Variants in TXNDC11 observed in about 807,000 individuals in gnomAD.
TXNDC11 encodes thioredoxin domain-containing protein 11.
TXNDC11 carries 68 observed loss-of-function variants against 78.0 expected under a neutral mutation model. The ratio of observed to expected loss-of-function variants is 0.87; its 90% CI spans 0.72 to 1.07. The LOEUF (loss-of-function observed/expected upper bound fraction) is 1.07, where lower values mean the gene tolerates loss of function less well. TXNDC11 is among the 50% of genes least tolerant of loss of function. TXNDC11 has a pLI of 0.00. For missense variants in TXNDC11, 1,389 were observed against 1,221.8 expected (o/e 1.14, Z -2.04); for synonymous variants, 571 against 495.2 (o/e 1.15, Z -2.03).
rs2052436349 is a variant in TXNDC11, at chr16:11,742,548, C to G, written c.183G>C (p.Gln61His). The part of the protein sequence containing the change: ...GLRGAFLMAR[Q>H]RPELLCGAVA... ...CGGCCCCGCAGAGCAGCTCCGGCCG[C>G]TGGCGCGCCATGAGGAAGGCGCCAC... Residue 61 changes from glutamine (Q) to histidine (H), a missense_variant, in exon 1 of 12, where the codon CAG (glutamine) becomes CAC (histidine). Gln to His is a conservative substitution (Grantham distance 24). Coordinates refer to ENST00000283033, the MANE Select transcript of TXNDC11 (RefSeq NM_015914.7). The G allele has an allele frequency of 6.9e-7, 1 of 1,455,476 alleles. No homozygotes were observed. Among genetic ancestry groups the G allele is most frequent in the South Asian group, 1.3e-5 (1 of 75,164 alleles). The allele number at this position is 1,455,476 out of a possible 1,614,324, so 90.2% of individuals were successfully genotyped here.
intron 8 of TXNDC11, chr16:11,689,873 A>C (rs990618840): frequency 5.9e-5 from 9 of 152,234 alleles, no homozygotes; most frequent in African/African-American, 2.2e-4. Context: ...GGAGTAATCT[A>C]TAATATCGAC....
chr16:11,696,525 C>T (rs2050863624), intron 7 of TXNDC11, among the ~76,000 whole-genome samples: 1 of 152,196 alleles, frequency 6.6e-6, no homozygotes, highest in African/African-American at 2.4e-5. Context: ...GCTCAGTAAA[C>T]ATTTGCCAAA....
At chr16:11,694,434 C>T (rs7185656) in intron 7 of TXNDC11, among the ~76,000 whole-genome samples, 12,676 of 151,450 alleles carry the variant, frequency 0.084, 1,172 homozygotes, top group African/African-American at 0.22. Context: ...TAAGCATGAG[C>T]CACCGCGCCC....
intron 1 of TXNDC11, among the ~76,000 whole-genome samples, chr16:11,739,683 T>C (rs1235554273): frequency 1.3e-5 from 2 of 152,090 alleles, no homozygotes; most frequent in African/African-American, 4.8e-5. Context: ...CAGACAATTT[T>C]TTTTCCCTCT....
chr16:11,721,017 C>T (rs961298902), intron 5 of TXNDC11, among the ~76,000 whole-genome samples: 5 of 151,660 alleles, frequency 3.3e-5, no homozygotes, highest in Admixed American at 2.6e-4. Context: ...GCTGGGACTA[C>T]GGGCATGAGC....
intron 4 of TXNDC11, among the ~76,000 whole-genome samples, chr16:11,729,048 C>T (rs1458989261): frequency 6.6e-6 from 1 of 152,146 alleles, no homozygotes; most frequent in Non-Finnish European, 1.5e-5. Flanking sequence ...CTGCTAAAAG[C>T]AGGTCTGTCT....
At position 11,692,180 on chromosome 16, in the gene TXNDC11, G is replaced by C; in HGVS notation, c.1108-98C>G. On this transcript the variant is annotated intron_variant, in intron 7 of 11. Transcript: ENST00000283033. ...ACTTTCTGTAATTTCAGTTATCCAT[G>C]GTCAACTCCGGTTCAAAAATACTAA... 1.0e-5 allele frequency: 9 copies of C among 901,544 alleles called. No individual in the cohort carries two copies. The South Asian group carries it at 1.4e-4, about 14-fold the overall frequency. The allele number at this position is 901,544 out of a possible 1,614,324, so 55.8% of individuals were successfully genotyped here. A position where few individuals can be genotyped will look rare whatever the true frequency, so the allele number is the denominator to read the frequency against.
At chr16:11,714,720 G>T (rs946299693) in intron 5 of TXNDC11, among the ~76,000 whole-genome samples, 1 of 152,056 alleles carries the variant, frequency 6.6e-6, no homozygotes, top group Non-Finnish European at 1.5e-5. Flanking sequence ...CTTTTTATGC[G>T]TACCGACTCA....
chr16:11,690,391 T>C (rs766044950), intron 8 of TXNDC11, among the ~76,000 whole-genome samples: 5 of 152,216 alleles, frequency 3.3e-5, no homozygotes, highest in Non-Finnish European at 7.3e-5. Context: ...ACTTATTTAT[T>C]TGCACTTTAC....
chr16:11,710,042 C>A (rs8044903), intron 5 of TXNDC11, among the ~76,000 whole-genome samples: 2 of 151,832 alleles, frequency 1.3e-5, no homozygotes, highest in African/African-American at 4.8e-5. Flanking sequence ...ACTCGGGAGG[C>A]TGAGGCAGGA....
At chr16:11,694,384 C>T (rs1188067366) in intron 7 of TXNDC11, among the ~76,000 whole-genome samples, 1 of 150,902 alleles carries the variant, frequency 6.6e-6, no homozygotes, top group Non-Finnish European at 1.5e-5. Context: ...AGGTGATCCA[C>T]CTGCCTCGGC....
At chr16:11,726,994 G>A (rs534517522) in intron 4 of TXNDC11, among the ~76,000 whole-genome samples, 21 of 151,522 alleles carry the variant, frequency 1.4e-4, no homozygotes, top group East Asian at 9.8e-4. Context: ...TGGAGGTTGC[G>A]GTGAGACGAG....
intron 4 of TXNDC11, among the ~76,000 whole-genome samples, chr16:11,729,853 G>C (rs1212721639): frequency 1.3e-5 from 2 of 152,102 alleles, no homozygotes; most frequent in Non-Finnish European, 2.9e-5. Context: ...AGCACTGTGA[G>C]GGGAGGCCAA....
intron 5 of TXNDC11, among the ~76,000 whole-genome samples, chr16:11,708,239 T>C (rs138928604): frequency 2.0e-3 from 308 of 152,328 alleles, no homozygotes; most frequent in African/African-American, 6.4e-3. Flanking sequence ...AGCCAGCAAG[T>C]CTTAATAATT....
chr16:11,714,837 C>T (rs1048198602), intron 5 of TXNDC11, among the ~76,000 whole-genome samples: 8 of 152,200 alleles, frequency 5.3e-5, no homozygotes, highest in Non-Finnish European at 7.3e-5. Context: ...CTCTAAAACA[C>T]TATTTCCCAA....
intron 5 of TXNDC11, among the ~76,000 whole-genome samples, chr16:11,704,078 G>A (rs552842303): frequency 2.0e-5 from 3 of 152,262 alleles, no homozygotes; most frequent in South Asian, 4.1e-4. Context: ...GGTGACAAGA[G>A]TGAAACTCCG....
chr16:11,726,439 G>C (rs2051880276), intron 4 of TXNDC11, among the ~76,000 whole-genome samples: 1 of 151,640 alleles, frequency 6.6e-6, no homozygotes, highest in Non-Finnish European at 1.5e-5. Context: ...AAATTAACCG[G>C]GCATGGTGGC....
rs932913702 is a variant in TXNDC11, at chr16:11,688,423, G to A, written c.1923C>T (p.Ser641=). 1.1e-5 allele frequency: 17 copies of A among 1,609,990 alleles called. No homozygotes were observed. The highest frequency in any genetic ancestry group is 2.2e-5 in the South Asian group (2 of 90,516). ...GCCTTTTCAAGGGACTATAGAGAAC[G>A]CTGAAGTTTTGAATAAAAGACTCTA... ...LTLESFIQNF[S]VLYSPLKRHL... Residue 641 remains serine (S), a synonymous_variant, in exon 9 of 12, where the codon AGC becomes AGT. Transcript: ENST00000283033.
At chr16:11,719,179 C>G (rs2051631108) in intron 5 of TXNDC11, among the ~76,000 whole-genome samples, 1 of 152,188 alleles carries the variant, frequency 6.6e-6, no homozygotes, top group Non-Finnish European at 1.5e-5. Flanking sequence ...GCCTCTTCAG[C>G]TCACAAACTT....
Sources: gnomAD v4.1 joint callset for allele counts (sites outside exome capture counted in the v4.1 genomes callset) on GRCh38, gnomAD v4.1.1 for gene constraint, MANE v1.5 for transcripts, NCBI Gene and HGNC (gene_info 2026-07-23, HGNC 2026-07-21) for gene names.